PAN3: variants seen among roughly 807,000 people sequenced by gnomAD.
PAN3 encodes poly(A) specific ribonuclease subunit PAN3, also known as PAN2-PAN3 deadenylation complex subunit PAN3.
In PAN3, 19 loss-of-function variants were observed where a neutral mutation model predicts 96.2. The ratio of observed to expected loss-of-function variants is 0.20; its 90% CI spans 0.14 to 0.29. The LOEUF is 0.29. Among genes scored for constraint, PAN3 ranks in the 10% least tolerant of loss-of-function variants. The pLI is 1.00. For synonymous variants in PAN3, 433 were observed against 406.6 expected (o/e 1.06, Z -0.78); for missense variants, 882 against 1,108.1 (o/e 0.80, Z 2.90).
At chr13:28,270,251 A>G (rs1886502105) in intron 12 of PAN3, among the ~76,000 whole-genome samples, 1 of 152,212 alleles carries the variant, frequency 6.6e-6, no homozygotes, top group African/African-American at 2.4e-5. Flanking sequence ...GAAAACAAAC[A>G]TTCAACATAA....
intron 9 of PAN3, 91 bp from the exon 10 acceptor site, chr13:28,266,624 G>A: frequency 3.0e-6 from 3 of 988,628 alleles, no homozygotes; most frequent in Non-Finnish European, 4.3e-6. Context: ...GATACACAAG[G>A]GGTTTATAGT....
At chr13:28,235,682 TAC>T (rs143752644) in intron 6 of PAN3, among the ~76,000 whole-genome samples, 16 of 123,502 alleles carry the variant, frequency 1.3e-4, no homozygotes, top group Non-Finnish European at 2.6e-4. Flanking sequence ...TTCTCTAATA[TAC>T]ACACACACAC....
chr13:28,205,588 A>G lies in PAN3; in HGVS notation c.852+8242A>G, dbSNP rs979333225. 2.0e-5 allele frequency among the ~76,000 whole-genome samples: 3 copies of G among 152,186 alleles called. 1 individual carries two copies. Among genetic ancestry groups the G allele is most frequent in the Non-Finnish European group, 4.4e-5 (3 of 68,030 alleles). On this transcript the variant is annotated intron_variant, in intron 5 of 18. Coordinates refer to ENST00000380958, the MANE Select transcript of PAN3 (RefSeq NM_175854.8). The stretch of plus-strand genomic sequence containing the variant: ...TGTGATAACTCATTCTTGTAATCCC[A>G]GCACTTTGGGAGGCTGAGGCGGGAG...
At chr13:28,178,364 T>C (rs1167650587) in intron 4 of PAN3, among the ~76,000 whole-genome samples, 1 of 152,162 alleles carries the variant, frequency 6.6e-6, no homozygotes, top group Admixed American at 6.5e-5. Context: ...CAACATTTCA[T>C]AATGGGCCCA....
At chr13:28,243,886 C>G (rs544311314) in intron 6 of PAN3, among the ~76,000 whole-genome samples, 1 of 152,234 alleles carries the variant, frequency 6.6e-6, no homozygotes, top group East Asian at 1.9e-4. Flanking sequence ...CGGTATTTCA[C>G]CATGTTGGTC....
At chr13:28,165,517 CAAGCTAT>C (rs1873427318) in intron 1 of PAN3, among the ~76,000 whole-genome samples, 1 of 152,038 alleles carries the variant, frequency 6.6e-6, no homozygotes. Context: ...TGACTTTGGG[CAAGCTAT>C]AATCTCTGAA....
intron 1 of PAN3, among the ~76,000 whole-genome samples, chr13:28,157,010 A>C (rs1872263575): frequency 6.6e-6 from 1 of 151,058 alleles, no homozygotes. Flanking sequence ...AAAAAAAAAA[A>C]AAAAAAAAAG....
intron 1 of PAN3, among the ~76,000 whole-genome samples, chr13:28,140,592 A>G (rs183916262): frequency 1.3e-5 from 2 of 152,194 alleles, no homozygotes; most frequent in East Asian, 1.9e-4. Context: ...ATGTTGCCCA[A>G]GCTGGCCTGG....
chr13:28,256,301 T>C lies in PAN3; in HGVS notation c.1010T>C (p.Leu337Ser), dbSNP rs1314565457. The change falls in exon 7 of 19, where the codon TTG becomes TCG. Residue 337 changes from leucine to serine, a missense_variant. Leu to Ser is a moderately radical substitution (Grantham distance 145). Transcript: ENST00000380958. The stretch of plus-strand genomic sequence containing the variant: ...TTTACATCTTCTTCAGGAATGTCGT[T>C]GTCTGCTGGGTCTTCCCCTCTTCAT... Reference protein sequence around the residue: ...ATAGLAPGMSLSAGSSPLHSP... With the variant: ...ATAGLAPGMSSSAGSSPLHSP... 6.2e-7 allele frequency: 1 copy of C among 1,612,954 alleles called. No individual in the cohort carries two copies. Among genetic ancestry groups the C allele is most frequent in the African/African-American group, 1.3e-5 (1 of 74,998 alleles).
At chr13:28,263,236 C>T (rs368134017) in intron 9 of PAN3, among the ~76,000 whole-genome samples, 21 of 152,196 alleles carry the variant, frequency 1.4e-4, no homozygotes, top group African/African-American at 4.3e-4. Context: ...GATTGATTAA[C>T]GGAACAGATT....
chr13:28,289,660 TCA>T (rs1171355586), intron 18 of PAN3, among the ~76,000 whole-genome samples: 1 of 152,074 alleles, frequency 6.6e-6, no homozygotes, highest in Non-Finnish European at 1.5e-5. Context: ...GGCGGGCGGA[TCA>T]CGAGGTCAGG....
chr13:28,209,586 T>C (rs547470455), intron 5 of PAN3, among the ~76,000 whole-genome samples: 2 of 152,336 alleles, frequency 1.3e-5, no homozygotes, highest in South Asian at 4.1e-4. Flanking sequence ...GTAGATATTT[T>C]ACTTATTTCT....
intron 1 of PAN3, among the ~76,000 whole-genome samples, chr13:28,143,861 T>C (rs1870198715): frequency 6.6e-6 from 1 of 152,194 alleles, no homozygotes; most frequent in South Asian, 2.1e-4. Context: ...CTTTGGAATA[T>C]GTAATGTGTA....
rs200688065 is a variant in PAN3, at chr13:28,257,775, A to T, written c.1248+1236A>T. On this transcript the variant is annotated intron_variant, in intron 7 of 18. Transcript: ENST00000380958. ...ATATAATTAATTATATATTATATAT[A>T]AATTATATATAATATATAATTAATA... 8.8e-4 allele frequency among the ~76,000 whole-genome samples: 123 copies of T among 140,028 alleles called. 3 individuals carry two copies. In the East Asian group the frequency reaches 0.019, roughly 21 times the overall value. The allele number at this position is 140,028 out of a possible 152,430, so 91.9% of individuals were successfully genotyped here. A position where few individuals can be genotyped will look rare whatever the true frequency, so the allele number is the denominator to read the frequency against.
chr13:28,189,106 C>T (rs1472882270), intron 4 of PAN3, among the ~76,000 whole-genome samples: 1 of 152,150 alleles, frequency 6.6e-6, no homozygotes, highest in African/African-American at 2.4e-5. Flanking sequence ...GGCTTACCTC[C>T]CTTGTAATGA....
rs770261836 is a variant in PAN3 at position 28,280,433 on chromosome 13, C to T, written c.2211C>T (p.Asn737=). 1 of 1,610,858 alleles carries T rather than the reference C, an allele frequency of 6.2e-7. No homozygotes were observed. Among genetic ancestry groups the T allele is most frequent in the South Asian group, 1.1e-5 (1 of 90,428 alleles). ...NLILYLLTDQ[N]RMRSVNDIMP... ...GTAGGTATTTGTTGACTGACCAAAA[C>T]AGGATGCGAAGTGTAAATGACATCA... is the stretch of plus-strand genomic sequence containing the variant. Residue 737 remains asparagine (N), a synonymous_variant, in exon 16 of 19, where the codon AAC becomes AAT. Coordinates refer to ENST00000380958, the MANE Select transcript of PAN3 (RefSeq NM_175854.8).
At chr13:28,271,693 T>C (rs1886637959) in intron 13 of PAN3, among the ~76,000 whole-genome samples, 1 of 152,212 alleles carries the variant, frequency 6.6e-6, no homozygotes, top group African/African-American at 2.4e-5. Flanking sequence ...AATAAACAGC[T>C]TGGAATGGTG....
At chr13:28,144,481 C>T (rs1870338115) in intron 1 of PAN3, among the ~76,000 whole-genome samples, 1 of 151,916 alleles carries the variant, frequency 6.6e-6, no homozygotes, top group Admixed American at 6.6e-5. Flanking sequence ...TCCCAAAGTG[C>T]TGGGATTACA....
intron 5 of PAN3, among the ~76,000 whole-genome samples, chr13:28,218,062 A>G (rs1401467982): frequency 6.6e-6 from 1 of 152,020 alleles, no homozygotes; most frequent in African/African-American, 2.4e-5. Context: ...TATTCTTAAC[A>G]TGTTAAAAAT....
Sources: allele counts gnomAD v4.1 joint callset (sites outside exome capture counted in the v4.1 genomes callset), GRCh38; gene constraint gnomAD v4.1.1; transcripts MANE v1.5; gene names NCBI Gene and HGNC (gene_info 2026-07-23, HGNC 2026-07-21).